KCTD16: variants seen among roughly 807,000 people sequenced by gnomAD.
KCTD16 encodes the protein potassium channel tetramerization domain containing 16, also known as BTB/POZ domain-containing protein KCTD16.
Under a neutral mutation model 33.2 loss-of-function variants are expected in KCTD16, and 13 were observed. That is an observed-to-expected ratio of 0.39 (90% confidence interval 0.25 to 0.62). The LOEUF (loss-of-function observed/expected upper bound fraction) is 0.62, where lower values mean the gene tolerates loss of function less well. KCTD16 is among the 20% of genes least tolerant of loss of function. The probability of loss-of-function intolerance (pLI) is 0.50; values close to 1 mark genes in which losing one functional copy is unlikely to be tolerated. For synonymous variants in KCTD16, 197 were observed against 195.3 expected (o/e 1.01, Z -0.07); for missense variants, 441 against 525.1 (o/e 0.84, Z 1.57).
intron 3 of KCTD16, among the ~76,000 whole-genome samples, chr5:144,255,242 T>A (rs776012791): frequency 6.6e-6 from 1 of 152,240 alleles, no homozygotes; most frequent in Non-Finnish European, 1.5e-5. Context: ...TTAAATTGTT[T>A]TCACACCTTG....
intron 3 of KCTD16, among the ~76,000 whole-genome samples, chr5:144,459,106 C>A (rs765860732): frequency 1.5e-4 from 23 of 152,118 alleles, no homozygotes; most frequent in Non-Finnish European, 2.8e-4. Context: ...TGGAGACAGC[C>A]GGAGCATCTT....
chr5:144,441,957 C>T (rs907909718), intron 3 of KCTD16, among the ~76,000 whole-genome samples: 8 of 151,630 alleles, frequency 5.3e-5, no homozygotes, highest in South Asian at 4.2e-4. Context: ...CTTCTATTCA[C>T]GAACATTTCA....
chr5:144,282,438 A>C (rs1215853269), intron 3 of KCTD16, among the ~76,000 whole-genome samples: 1 of 152,128 alleles, frequency 6.6e-6, no homozygotes, highest in Admixed American at 6.5e-5. Context: ...AGTGTAAGTA[A>C]AGCACTTCCC....
intron 1 of KCTD16, among the ~76,000 whole-genome samples, chr5:144,172,241 T>A (rs1207537699): frequency 6.6e-6 from 1 of 152,174 alleles, no homozygotes; most frequent in Non-Finnish European, 1.5e-5. Context: ...AGCTGCCCTT[T>A]GAGGTTTTTA....
At chr5:144,459,889 TG>T (rs1319436989) in intron 3 of KCTD16, among the ~76,000 whole-genome samples, 1 of 138,900 alleles carries the variant, frequency 7.2e-6, no homozygotes, top group East Asian at 2.2e-4. Flanking sequence ...TGGAGTGCAG[TG>T]GCGTGATCTT....
At chr5:144,190,319 C>T (rs138832443) in intron 2 of KCTD16, among the ~76,000 whole-genome samples, 1 of 152,298 alleles carries the variant, frequency 6.6e-6, no homozygotes, top group Non-Finnish European at 1.5e-5. Context: ...CTCAAATCCA[C>T]GTTCTGTACA....
chr5:144,240,032 C>T (rs1016838555), intron 3 of KCTD16, among the ~76,000 whole-genome samples: 1 of 152,106 alleles, frequency 6.6e-6, no homozygotes, highest in African/African-American at 2.4e-5. Flanking sequence ...CCCCTTTAGT[C>T]CTCATAGCAG....
At chr5:144,465,047 G>A (rs919074003) in intron 3 of KCTD16, among the ~76,000 whole-genome samples, 1 of 152,124 alleles carries the variant, frequency 6.6e-6, no homozygotes, top group African/African-American at 2.4e-5. Context: ...CTAGAAGGTA[G>A]AGATTAAGCA....
intron 3 of KCTD16, among the ~76,000 whole-genome samples, chr5:144,316,306 A>G (rs1751911477): frequency 6.6e-6 from 1 of 152,136 alleles, no homozygotes; most frequent in African/African-American, 2.4e-5. Flanking sequence ...GTGAATTGGT[A>G]AAGTCAAAAT....
chr5:144,433,974 G>C (rs895678703), intron 3 of KCTD16, among the ~76,000 whole-genome samples: 1 of 152,082 alleles, frequency 6.6e-6, no homozygotes, highest in South Asian at 2.1e-4. Context: ...GAAAGAACTC[G>C]AGAAGTGGTT....
intron 3 of KCTD16, among the ~76,000 whole-genome samples, chr5:144,209,836 A>G (rs1158438443): frequency 6.8e-6 from 1 of 146,658 alleles, no homozygotes; most frequent in African/African-American, 2.5e-5. Flanking sequence ...AAATATATAT[A>G]TATTTATATG....
At chr5:144,223,977 C>T (rs900784671) in intron 3 of KCTD16, among the ~76,000 whole-genome samples, 8 of 151,908 alleles carry the variant, frequency 5.3e-5, no homozygotes, top group Non-Finnish European at 8.8e-5. Context: ...CCCAGATGTT[C>T]TAAATAAAAG....
intron 2 of KCTD16, among the ~76,000 whole-genome samples, chr5:144,190,992 G>A (rs1031335513): frequency 1.3e-5 from 2 of 152,224 alleles, no homozygotes; most frequent in African/African-American, 4.8e-5. Context: ...CTCACTGATT[G>A]TCGTTAATGT....
intron 2 of KCTD16, among the ~76,000 whole-genome samples, chr5:144,188,026 A>T (rs1168448014): frequency 6.6e-6 from 1 of 152,160 alleles, no homozygotes; most frequent in East Asian, 1.9e-4. Flanking sequence ...AGACTGAAAA[A>T]TTATGTATCT....
chr5:144,303,497 A>G (rs1380956840), intron 3 of KCTD16, among the ~76,000 whole-genome samples: 7 of 152,202 alleles, frequency 4.6e-5, no homozygotes, highest in Admixed American at 1.3e-4. Flanking sequence ...GGCAAGAGCA[A>G]TGGAAATGAC....
At chr5:144,442,825 C>A (rs150266485) in intron 3 of KCTD16, among the ~76,000 whole-genome samples, 2 of 151,956 alleles carry the variant, frequency 1.3e-5, no homozygotes, top group Non-Finnish European at 2.9e-5. Flanking sequence ...AGCATGGAGA[C>A]CTGCTCTTTG....
In KCTD16 at chr5:144,217,709, C is replaced by T. The variant is rs149115447; in HGVS notation, c.832+10163C>T. On this transcript the variant is annotated intron_variant, in intron 3 of 3. Coordinates refer to ENST00000512467, the MANE Select transcript of KCTD16 (RefSeq NM_020768.4). ...TGCAAAGAATCAGCATTCTGATTCACCAGCTCTTCACGTTAATGATTTTCT... is the reference window on the plus strand; with the variant it reads ...TGCAAAGAATCAGCATTCTGATTCATCAGCTCTTCACGTTAATGATTTTCT... 4.6e-5 allele frequency among the ~76,000 whole-genome samples: 7 copies of T among 152,190 alleles called. No homozygotes were observed. In the East Asian group the frequency reaches 1.3e-3, roughly 29 times the overall value.
chr5:144,193,693 T>C (rs905182740), intron 2 of KCTD16, among the ~76,000 whole-genome samples: 1 of 152,124 alleles, frequency 6.6e-6, no homozygotes, highest in African/African-American at 2.4e-5. Context: ...CCCCAACACA[T>C]AGAGCTTATA....
At chr5:144,429,397 T>G (rs915527077) in intron 3 of KCTD16, among the ~76,000 whole-genome samples, 1 of 152,136 alleles carries the variant, frequency 6.6e-6, no homozygotes, top group African/African-American at 2.4e-5. Flanking sequence ...AGTACTTCCC[T>G]GAGCAGCAGA....
Sources: allele counts gnomAD v4.1 joint callset (sites outside exome capture counted in the v4.1 genomes callset), GRCh38; gene constraint gnomAD v4.1.1; transcripts MANE v1.5; gene names NCBI Gene and HGNC (gene_info 2026-07-23, HGNC 2026-07-21).